Variants in PAX8 observed in about 807,000 individuals in gnomAD.
PAX8 encodes paired box 8.
Under a neutral mutation model 52.4 loss-of-function variants are expected in PAX8, and 15 were observed. The ratio of observed to expected loss-of-function variants is 0.29; its 90% CI spans 0.19 to 0.44. PAX8 has a LOEUF of 0.44. PAX8 is among the 20% of genes least tolerant of loss of function. PAX8 has a pLI of 1.00. For missense variants in PAX8, 554 were observed against 602.5 expected (o/e 0.92, Z 0.84); for synonymous variants, 284 against 249.7 (o/e 1.14, Z -1.29).
rs1689057474 is a variant in PAX8 at position 113,217,239 on chromosome 2, A to G, written c.*1294T>C. ...GAAGGCCAAGCCAGAGCTCTGGGGC[A>G]TCAGATGGTCCCTTCCAGCCCACGG... On this transcript the variant is annotated 3_prime_UTR_variant, in exon 12 of 12. Coordinates refer to ENST00000429538, the MANE Select transcript of PAX8 (RefSeq NM_003466.4). The G allele has an allele frequency of 8.7e-6, 2 of 229,210 alleles. No homozygotes were observed. The highest frequency in any genetic ancestry group is 5.7e-5 in the Admixed American group (1 of 17,614). 14.2% of individuals were successfully genotyped at this position (229,210 alleles called of 1,614,324 possible). A position where few individuals can be genotyped will look rare whatever the true frequency, so the allele number is the denominator to read the frequency against.
At chr2:113,246,436 TG>T (rs537859491) in intron 3 of PAX8, among the ~76,000 whole-genome samples, 1 of 152,276 alleles carries the variant, frequency 6.6e-6, no homozygotes, top group East Asian at 1.9e-4. Flanking sequence ...AGGAGGACCT[TG>T]GGGGAAGATT....
rs1331634482 is a variant in PAX8 at position 113,253,573 on chromosome 2, T to A, written c.26-6654A>T. On this transcript the variant is annotated intron_variant, in intron 2 of 11. Transcript: ENST00000429538. ...GGAAGTAACAGTGTGTCCCCAGCCT[T>A]GGGGCACTTGCACATGCTGTTCCCT... Among the ~76,000 whole-genome samples, 3 of 152,200 alleles carry A rather than the reference T, an allele frequency of 2.0e-5. No homozygotes were observed. The East Asian group carries it at 5.8e-4, about 29-fold the overall frequency.
chr2:113,260,393 TG>T (rs1334381681), intron 2 of PAX8, among the ~76,000 whole-genome samples: 1 of 151,804 alleles, frequency 6.6e-6, no homozygotes, highest in African/African-American at 2.4e-5. Context: ...GGGATGGGGA[TG>T]GATAGTAAAG....
intron 8 of PAX8, chr2:113,235,898 C>T: frequency 2.8e-6 from 1 of 360,698 alleles, no homozygotes; most frequent in Non-Finnish European, 5.0e-6. Context: ...CCTCGGCCCA[C>T]CTTGAGGCCC....
chr2:113,227,737 T>C (rs760713506), intron 9 of PAX8, among the ~76,000 whole-genome samples: 2 of 152,074 alleles, frequency 1.3e-5, no homozygotes, highest in African/African-American at 4.8e-5. Flanking sequence ...GGATGGCATG[T>C]ATGTGGGCCA....
chr2:113,217,567 G>C lies in PAX8; in HGVS notation c.*966C>G, dbSNP rs1239774527. 2 of 230,828 alleles carry C rather than the reference G, an allele frequency of 8.7e-6. No homozygotes were observed. The highest frequency in any genetic ancestry group is 1.7e-5 in the Non-Finnish European group (2 of 116,556). The allele number at this position is 230,828 out of a possible 1,614,324, so 14.3% of individuals were successfully genotyped here. On this transcript the variant is annotated 3_prime_UTR_variant, in exon 12 of 12. Transcript: ENST00000429538. ...CAGGCCTTGGGGGCAGGAGCTGCTG[G>C]GGAGCAGAGAGGGACCCTCTATCGC...
At chr2:113,246,621 G>T in intron 3 of PAX8, 133 bp downstream of exon 3, 1 of 962,354 alleles carries the variant, frequency 1.0e-6, no homozygotes. Flanking sequence ...TAACTGTTCA[G>T]GTCTCAGGAC....
chr2:113,262,922 TC>T (rs1303043351), intron 2 of PAX8, among the ~76,000 whole-genome samples: 1 of 152,234 alleles, frequency 6.6e-6, no homozygotes, highest in Non-Finnish European at 1.5e-5. Flanking sequence ...ATGTAAGCCC[TC>T]CAGTTTGTAG....
intron 2 of PAX8, among the ~76,000 whole-genome samples, chr2:113,255,074 AGAAG>A (rs894782159): frequency 1.7e-4 from 25 of 148,840 alleles, no homozygotes; most frequent in Admixed American, 1.1e-3. Context: ...AAGGACAGAA[AGAAG>A]GAAGGAAGGA....
intron 7 of PAX8, chr2:113,241,122 C>T (rs1403630577): frequency 3.0e-6 from 1 of 329,630 alleles, no homozygotes; most frequent in Non-Finnish European, 5.9e-6. Flanking sequence ...GGGTGGTGAG[C>T]TCGGGGCCAT....
intron 11 of PAX8, 143 bp from the exon 12 acceptor site, chr2:113,218,752 C>T: frequency 1.7e-6 from 1 of 578,136 alleles, no homozygotes; most frequent in Non-Finnish European, 3.1e-6. Context: ...CGAAGATTAA[C>T]TCCTCTCCAG....
At chr2:113,246,436 T>TG (rs537859491) in intron 3 of PAX8, among the ~76,000 whole-genome samples, 1 of 152,158 alleles carries the variant, frequency 6.6e-6, no homozygotes, top group Non-Finnish European at 1.5e-5. Flanking sequence ...AGGAGGACCT[T>TG]GGGGGAAGAT....
intron 4 of PAX8, among the ~76,000 whole-genome samples, chr2:113,243,996 T>C (rs1164831236): frequency 6.6e-6 from 1 of 152,226 alleles, no homozygotes; most frequent in Admixed American, 6.5e-5. Context: ...GAGTGAATTA[T>C]GTGTGAATGA....
intron 2 of PAX8, among the ~76,000 whole-genome samples, chr2:113,248,289 C>T (rs1691491093): frequency 6.6e-6 from 1 of 152,216 alleles, no homozygotes; most frequent in Admixed American, 6.5e-5. Flanking sequence ...GAATTTAAGG[C>T]TCAGATCAGG....
rs1185909345 is a variant in PAX8, at chr2:113,242,687, C to CA, written c.478+2dup. 1 of 1,607,242 alleles carries CA rather than the reference C, an allele frequency of 6.2e-7. No individual in the cohort carries two copies. The highest frequency in any genetic ancestry group is 8.5e-7 in the Non-Finnish European group (1 of 1,173,910). On this transcript the variant is annotated splice_region_variant and intron_variant, in intron 5 of 11. Transcript: ENST00000429538. ...GTGTGTATCCAGGTCTCTCAGCACT[C>CA]ACTCAGCGTGTGTCCGGGACTCAGG...
intron 2 of PAX8, among the ~76,000 whole-genome samples, 195 bp downstream of exon 2, chr2:113,278,175 G>A (rs1351914186): frequency 1.3e-5 from 2 of 152,210 alleles, no homozygotes; most frequent in Non-Finnish European, 2.9e-5. Context: ...TCAGCTGGCC[G>A]GGTGGAACCC....
At chr2:113,224,576 ATGGAAAGATGGAAGGATCGG>A (rs1689436998) in intron 10 of PAX8, among the ~76,000 whole-genome samples, 1 of 149,610 alleles carries the variant, frequency 6.7e-6, no homozygotes, top group Non-Finnish European at 1.5e-5. Context: ...GGAAAGATGG[ATGGAAAGATGGAAGGATCGG>A]TGGAAAGGTG....
In PAX8 at chr2:113,242,674, G is replaced by A. The variant is rs773637064; in HGVS notation, c.478+16C>T. On this transcript the variant is annotated intron_variant, in intron 5 of 11. Coordinates refer to ENST00000429538, the MANE Select transcript of PAX8 (RefSeq NM_003466.4). ...TACACGAGCATGTGTGTGTATCCAG[G>A]TCTCTCAGCACTCACTCAGCGTGTG... 1.9e-6 allele frequency: 3 copies of A among 1,575,240 alleles called. No homozygotes were observed. Among genetic ancestry groups the A allele is most frequent in the Non-Finnish European group, 2.6e-6 (3 of 1,144,652 alleles).
chr2:113,225,393 G>A (rs1033780737), intron 10 of PAX8, among the ~76,000 whole-genome samples: 6 of 152,178 alleles, frequency 3.9e-5, no homozygotes, highest in Non-Finnish European at 8.8e-5. Flanking sequence ...GACGGACATA[G>A]AATTTTTCCA....
Sources: allele counts gnomAD v4.1 joint callset (sites outside exome capture counted in the v4.1 genomes callset), GRCh38; gene constraint gnomAD v4.1.1; transcripts MANE v1.5; gene names NCBI Gene and HGNC (gene_info 2026-07-23, HGNC 2026-07-21).